The following RGS3 variants were observed in gnomAD, a reference collection of about 807,000 sequenced individuals.
RGS3 encodes the protein regulator of G protein signaling 3.
Under a neutral mutation model 132.6 loss-of-function variants are expected in RGS3, and 80 were observed. The observed-to-expected ratio is 0.60, with a 90% CI of 0.50 to 0.73. The LOEUF (loss-of-function observed/expected upper bound fraction) is 0.73. RGS3 is among the 30% of genes least tolerant of loss of function. The probability of loss-of-function intolerance (pLI) is 0.00; values close to 1 mark genes in which losing one functional copy is unlikely to be tolerated. For missense variants in RGS3, 1,382 were observed against 1,530.8 expected (o/e 0.90, Z 1.62); for synonymous variants, 598 against 620.6 (o/e 0.96, Z 0.54).
exon 19 of RGS3, chr9:113,536,817 T>A (rs2118607843): frequency 6.2e-7 from 1 of 1,614,084 alleles, no homozygotes; most frequent in East Asian, 2.2e-5. Flanking sequence ...CTTATTCACT[T>A]TGGAAGCGCA....
chr9:113,525,711 C>T (rs1476041913), intron 17 of RGS3, among the ~76,000 whole-genome samples: 1 of 152,178 alleles, frequency 6.6e-6, no homozygotes, highest in Non-Finnish European at 1.5e-5. Context: ...GAGAATCAGC[C>T]CCATGCTAGG....
intron 19 of RGS3, among the ~76,000 whole-genome samples, chr9:113,562,521 G>A (rs1347541265): frequency 6.6e-6 from 1 of 151,816 alleles, no homozygotes; most frequent in African/African-American, 2.4e-5. Flanking sequence ...AGGGCTATGA[G>A]GATTCAATCA....
At chr9:113,458,687 A>C (rs1294463484), upstream of RGS3, among the ~76,000 whole-genome samples, 1 of 152,192 alleles carries the variant, frequency 6.6e-6, no homozygotes, top group East Asian at 1.9e-4. Flanking sequence ...AAAAAGTGAC[A>C]AAACTGGGAG....
exon 15 of RGS3, chr9:113,514,489 C>T: frequency 6.2e-7 from 1 of 1,614,194 alleles, no homozygotes; most frequent in Non-Finnish European, 8.5e-7. Flanking sequence ...GGAAGTCCTA[C>T]ACAGGCCTGG....
intron 21 of RGS3, chr9:113,594,061 C>T (rs1331523579): frequency 6.2e-7 from 1 of 1,613,000 alleles, no homozygotes. Flanking sequence ...TCCGCTCCCC[C>T]TCCTGGTCCC....
chr9:113,582,338 T>G, intron 19 of RGS3: 1 of 489,292 alleles, frequency 2.0e-6, no homozygotes, highest in Non-Finnish European at 2.7e-6. Context: ...CTGGGGGTAC[T>G]TACCCCTGAA....
chr9:113,511,745 A>G (rs1831415396), intron 14 of RGS3, among the ~76,000 whole-genome samples: 1 of 152,064 alleles, frequency 6.6e-6, no homozygotes, highest in Non-Finnish European at 1.5e-5. Context: ...CCCAGGACCC[A>G]GATTTTGGCA....
chr9:113,545,818 G>A (rs544151406), intron 19 of RGS3, among the ~76,000 whole-genome samples: 1 of 152,252 alleles, frequency 6.6e-6, no homozygotes, highest in South Asian at 2.1e-4. Context: ...TGTTACCCCT[G>A]TTATACATTT....
chr9:113,462,829 A>G (rs778192148), intron 3 of RGS3, among the ~76,000 whole-genome samples: 13 of 152,182 alleles, frequency 8.5e-5, no homozygotes, highest in Non-Finnish European at 1.2e-4. Context: ...CCACTTGGCG[A>G]TGAAGTCTGG....
rs867673174 is a variant in RGS3 at position 113,508,939 on chromosome 9, C to T, written c.1477+359C>T. On this transcript the variant is annotated intron_variant, in intron 14 of 24. Coordinates refer to ENST00000350696, the Ensembl canonical transcript of RGS3. ...GCTTGCATGGAAGGGAGTCAGGGAG[C>T]GTGGAGGTGGGAGGTCTTGAGTTGG... Among the ~76,000 whole-genome samples the T allele has an allele frequency of 9.2e-5, 14 of 152,146 alleles. No homozygotes were observed. In the Middle Eastern group the frequency reaches 0.01, roughly 111 times the overall value.
At chr9:113,584,631 A>C (rs188214133) in intron 20 of RGS3, among the ~76,000 whole-genome samples, 8 of 152,360 alleles carry the variant, frequency 5.3e-5, no homozygotes, top group African/African-American at 1.9e-4. Context: ...ACATGACTTT[A>C]GGATTCCAGA....
intron 19 of RGS3, among the ~76,000 whole-genome samples, chr9:113,568,083 C>CTA (rs1337651653): frequency 2.0e-5 from 3 of 152,192 alleles, no homozygotes; most frequent in African/African-American, 7.2e-5. Flanking sequence ...TTGCACCAAA[C>CTA]TATAGATAGA....
At chr9:113,581,025 GGTGGGTC>G in intron 19 of RGS3, 1 of 957,562 alleles carries the variant, frequency 1.0e-6, no homozygotes, top group Non-Finnish European at 1.2e-6. Context: ...TGGGCCAGGG[GGTGGGTC>G]GGGGGGAGGT....
At chr9:113,580,218 CA>C (rs1380064984) in intron 19 of RGS3, among the ~76,000 whole-genome samples, 1 of 152,244 alleles carries the variant, frequency 6.6e-6, no homozygotes, top group Non-Finnish European at 1.5e-5. Context: ...GGGCCTCAGG[CA>C]GCACTCCAGG....
In RGS3 at chr9:113,591,241, G is replaced by C. The variant is rs1835406105; in HGVS notation, c.3016-92G>C. ...GGGGCTTTGGGGATGGAAGGGGCTG[G>C]TGGCAGGGAATGTTGGGTCTCTGAG... On this transcript the variant is annotated intron_variant, in intron 20 of 24. Coordinates refer to ENST00000350696, the Ensembl canonical transcript of RGS3. The surrounding 1 kb of genome is among the most constrained non-coding windows in gnomAD (Gnocchi z 4.4). The C allele has an allele frequency of 1.0e-5, 12 of 1,149,246 alleles. No individual in the cohort carries two copies. The South Asian group carries it at 1.6e-4, about 15-fold the overall frequency. The allele number at this position is 1,149,246 out of a possible 1,614,324, so 71.2% of individuals were successfully genotyped here.
intron 19 of RGS3, among the ~76,000 whole-genome samples, chr9:113,556,676 G>C (rs1032833355): frequency 6.6e-6 from 1 of 152,020 alleles, no homozygotes; most frequent in African/African-American, 2.4e-5. Flanking sequence ...CTTCCCCCCA[G>C]CACTCTGTAG....
intron 19 of RGS3, among the ~76,000 whole-genome samples, chr9:113,569,370 C>T (rs1834160780): frequency 6.6e-6 from 1 of 152,090 alleles, no homozygotes; most frequent in Non-Finnish European, 1.5e-5. Flanking sequence ...GGAACCTTGA[C>T]AGCAGGCCGA....
intron 14 of RGS3, among the ~76,000 whole-genome samples, chr9:113,510,392 G>C (rs1831353364): frequency 6.6e-6 from 1 of 152,212 alleles, no homozygotes; most frequent in Non-Finnish European, 1.5e-5. Context: ...TCAAGGCCTG[G>C]GCCTGGCTTA....
Position 113,542,919 on chromosome 9 carries a change from A to C in RGS3, c.2037+6001A>C, listed in dbSNP as rs144775349. Among the ~76,000 whole-genome samples the C allele has an allele frequency of 9.4e-3, 1,437 of 152,324 alleles. 8 individuals carry two copies. Among genetic ancestry groups the C allele is most frequent in the Non-Finnish European group, 0.016 (1,068 of 68,016 alleles). ...GGGACTGGGCTGGGGGTGGCCTAGC[A>C]GCTCTAGTGGAGACTGTGCTGCCGC... On this transcript the variant is annotated intron_variant, in intron 19 of 24. Coordinates refer to ENST00000350696, the Ensembl canonical transcript of RGS3.
Sources: gnomAD v4.1 joint callset for allele counts (sites outside exome capture counted in the v4.1 genomes callset) on GRCh38, gnomAD v4.1.1 for gene constraint, Gnocchi (gnomAD v3.1) non-coding constraint, MANE v1.5 for transcripts, NCBI Gene and HGNC (gene_info 2026-07-23, HGNC 2026-07-21) for gene names.